The following ATP13A4 variants were observed in gnomAD, a reference collection of about 807,000 sequenced individuals.
ATP13A4 encodes the protein ATPase 13A4.
ATP13A4 carries 114 observed loss-of-function variants against 142.5 expected under a neutral mutation model. The ratio of observed to expected loss-of-function variants is 0.80; its 90% CI spans 0.69 to 0.93. The LOEUF (loss-of-function observed/expected upper bound fraction) is 0.93. ATP13A4 is among the 40% of genes least tolerant of loss of function. The pLI is 0.00. For missense variants in ATP13A4, 1,392 were observed against 1,454.0 expected (o/e 0.96, Z 0.69); for synonymous variants, 488 against 514.8 (o/e 0.95, Z 0.70).
intron 7 of ATP13A4, among the ~76,000 whole-genome samples, chr3:193,486,339 C>T (rs1719616903): frequency 6.6e-6 from 1 of 152,042 alleles, no homozygotes. Flanking sequence ...TCATATTCTG[C>T]AAGAATGATG....
At chr3:193,404,058 T>C in intron 29 of ATP13A4, 1 of 985,432 alleles carries the variant, frequency 1.0e-6, no homozygotes, top group Non-Finnish European at 1.2e-6. Flanking sequence ...AAGATCCATA[T>C]AACCGTCTCA....
chr3:193,430,344 C>A (rs1298567029), intron 25 of ATP13A4, among the ~76,000 whole-genome samples: 1 of 152,110 alleles, frequency 6.6e-6, no homozygotes, highest in African/African-American at 2.4e-5. Context: ...ATTTAACAAG[C>A]TCCTTTAATA....
At chr3:193,583,426 C>G (rs11920821) in intron 1 of ATP13A4, among the ~76,000 whole-genome samples, 1 of 150,976 alleles carries the variant, frequency 6.6e-6, no homozygotes, top group Non-Finnish European at 1.5e-5. Flanking sequence ...GACTCCATCT[C>G]GAAAAACAAA....
chr3:193,502,064 C>T (rs1321624622), intron 3 of ATP13A4, among the ~76,000 whole-genome samples: 2 of 152,150 alleles, frequency 1.3e-5, no homozygotes, highest in African/African-American at 4.8e-5. Flanking sequence ...GAGTTTGAGG[C>T]TGTAGTGTAT....
At chr3:193,490,603 C>T (rs1264218593) in intron 6 of ATP13A4, among the ~76,000 whole-genome samples, 1 of 152,152 alleles carries the variant, frequency 6.6e-6, no homozygotes, top group Non-Finnish European at 1.5e-5. Flanking sequence ...TACTTAAATT[C>T]CCCCTAGCTG....
intron 1 of ATP13A4, among the ~76,000 whole-genome samples, chr3:193,551,779 T>C (rs2108729191): frequency 6.6e-6 from 1 of 152,322 alleles, no homozygotes; most frequent in Non-Finnish European, 1.5e-5. Flanking sequence ...CTCGAAGCCT[T>C]TCTGAGGCAG....
chr3:193,558,723 G>T (rs1723954519), upstream of ATP13A4, among the ~76,000 whole-genome samples: 1 of 152,122 alleles, frequency 6.6e-6, no homozygotes, highest in Admixed American at 6.6e-5. Context: ...ACAGATGAGG[G>T]CTCGCACACA....
At chr3:193,516,018 C>T (rs562193831) in intron 1 of ATP13A4, among the ~76,000 whole-genome samples, 1 of 152,316 alleles carries the variant, frequency 6.6e-6, no homozygotes, top group East Asian at 1.9e-4. Context: ...CCTATGTAAG[C>T]ATTTACTACG....
Position 193,402,774 on chromosome 3 carries a change from C to A in ATP13A4, c.3469G>T (p.Asp1157Tyr). The change falls in exon 30 of 30, where the codon GAC becomes TAC. Residue 1157 changes from aspartate to tyrosine, a missense_variant. Physicochemically the swap from Asp to Tyr is radical, Grantham distance 160. Transcript: ENST00000342695. ...GGCCAACTAGGGTCATTTGCCAAGT[C>A]CCTCTGCCATATCCGATACTGGCTT... Reference protein sequence around the residue: ...SKSQYRIWQRDLANDPSWPPL... With the variant: ...SKSQYRIWQRYLANDPSWPPL... 1 of 1,614,094 alleles carries A rather than the reference C, an allele frequency of 6.2e-7. No individual in the cohort carries two copies. Among genetic ancestry groups the A allele is most frequent in the Non-Finnish European group, 8.5e-7 (1 of 1,179,998 alleles).
chr3:193,525,075 A>T (rs1018536505), intron 1 of ATP13A4, among the ~76,000 whole-genome samples: 2 of 152,226 alleles, frequency 1.3e-5, no homozygotes, highest in African/African-American at 4.8e-5. Flanking sequence ...TGCGTCAGGG[A>T]TTGCTGAATC....
intron 1 of ATP13A4, among the ~76,000 whole-genome samples, chr3:193,544,253 C>A (rs1723105615): frequency 6.6e-6 from 1 of 152,118 alleles, no homozygotes; most frequent in African/African-American, 2.4e-5. Flanking sequence ...AGGATAAAGG[C>A]AAAAACTTTT....
intron 18 of ATP13A4, among the ~76,000 whole-genome samples, chr3:193,447,448 TG>T (rs1447629963): frequency 1.3e-5 from 2 of 152,112 alleles, no homozygotes; most frequent in Non-Finnish European, 1.5e-5. Context: ...CGTGCTTTGA[TG>T]GGGAAATAAT....
intron 7 of ATP13A4, among the ~76,000 whole-genome samples, chr3:193,485,850 T>C (rs1560222992): frequency 6.6e-6 from 1 of 151,522 alleles, no homozygotes. Context: ...CACCAGACAC[T>C]GAATCTGCTG....
intron 6 of ATP13A4, 132 bp downstream of exon 6, chr3:193,491,197 T>A: frequency 1.3e-6 from 1 of 777,956 alleles, no homozygotes. Flanking sequence ...ATGAGGATAA[T>A]ATGCTTGGCA....
At chr3:193,472,613 C>T (rs112332279) in intron 8 of ATP13A4, among the ~76,000 whole-genome samples, 25 of 152,292 alleles carry the variant, frequency 1.6e-4, no homozygotes, top group East Asian at 9.7e-4. Flanking sequence ...GTTAGTTGTG[C>T]GTCGCACCTC....
chr3:193,547,514 G>T (rs888574980), intron 1 of ATP13A4, among the ~76,000 whole-genome samples: 3 of 152,202 alleles, frequency 2.0e-5, no homozygotes, highest in African/African-American at 7.2e-5. Context: ...ATACTCATTA[G>T]AATGCCTTAT....
rs149262132 is a variant in ATP13A4 at position 193,514,427 on chromosome 3, G to A, written c.234+271C>T. 2.6e-3 allele frequency among the ~76,000 whole-genome samples: 390 copies of A among 152,264 alleles called. 1 individual carries two copies. The highest frequency in any genetic ancestry group is 9.1e-3 in the African/African-American group (376 of 41,546). ...GGACATGATTTCGTTCTTTATTATG[G>A]CTGCAGAGTATTCCGTGGTGTACAT... On this transcript the variant is annotated intron_variant, in intron 2 of 29. Transcript: ENST00000342695.
chr3:193,540,046 C>T (rs1459369538), intron 1 of ATP13A4, among the ~76,000 whole-genome samples: 1 of 151,978 alleles, frequency 6.6e-6, no homozygotes, highest in African/African-American at 2.4e-5. Flanking sequence ...TATTAAAGAA[C>T]GAGTACTACC....
At chr3:193,484,368 G>T (rs987353934) in intron 7 of ATP13A4, among the ~76,000 whole-genome samples, 1 of 151,242 alleles carries the variant, frequency 6.6e-6, no homozygotes, top group Non-Finnish European at 1.5e-5. Flanking sequence ...GAGTATGGTG[G>T]TTCCTGCTAC....
Sources: allele counts gnomAD v4.1 joint callset (sites outside exome capture counted in the v4.1 genomes callset), GRCh38; gene constraint gnomAD v4.1.1; transcripts MANE v1.5; gene names NCBI Gene and HGNC (gene_info 2026-07-23, HGNC 2026-07-21).